Variants in FRMD4A observed in about 807,000 individuals in gnomAD.
The protein encoded by FRMD4A is FERM domain-containing protein 4A.
A neutral mutation model predicts 129.1 loss-of-function variants in FRMD4A; 29 were observed. The observed-to-expected ratio is 0.22, with a 90% CI of 0.17 to 0.31. FRMD4A has a LOEUF of 0.31. Ranked by LOEUF, FRMD4A falls within the 10% of genes least tolerant of loss-of-function variation. The pLI, the probability that FRMD4A is intolerant of heterozygous loss-of-function variation, is 1.00. For synonymous variants in FRMD4A, 634 were observed against 571.6 expected (o/e 1.11, Z -1.56); for missense variants, 1,272 against 1,375.8 (o/e 0.92, Z 1.19).
intron 2 of FRMD4A, among the ~76,000 whole-genome samples, chr10:14,324,652 T>TATTTATTTATTTATTG (rs1843194637): frequency 1.8e-4 from 1 of 5,598 alleles, no homozygotes; most frequent in South Asian, 5.2e-3. Flanking sequence ...ATCTTAATGC[T>TATTTATTTATTTATTG]ATTTATTTAT....
chr10:14,185,501 A>G (rs867056619), intron 2 of FRMD4A, among the ~76,000 whole-genome samples: 2 of 152,164 alleles, frequency 1.3e-5, no homozygotes, highest in African/African-American at 2.4e-5. Context: ...TTCTAACTTC[A>G]AGTATTTTTT....
At chr10:14,178,883 G>A (rs1244241100) in intron 2 of FRMD4A, among the ~76,000 whole-genome samples, 1 of 152,116 alleles carries the variant, frequency 6.6e-6, no homozygotes, top group Non-Finnish European at 1.5e-5. Context: ...TCTGACTTAA[G>A]GAATTTCTAC....
In FRMD4A at chr10:14,024,205, C is replaced by T. The variant is rs149840567; in HGVS notation, c.46-165293G>A. On this transcript the variant is annotated intron_variant, in intron 2 of 24. Transcript: ENST00000357447. ...GAACTTTACGGTTTTCTCCCCTGAC[C>T]GCACATGAGTAAGAATAAATCATGT... Among the ~76,000 whole-genome samples the T allele has an allele frequency of 1.4e-4, 21 of 152,326 alleles. No individual in the cohort carries two copies. In the East Asian group the frequency reaches 3.3e-3, roughly 24 times the overall value.
At chr10:13,750,113 A>AAAGAAAGAAAGAAAGAAAGAAAGAAATG (rs2091531319) in intron 8 of FRMD4A, among the ~76,000 whole-genome samples, 24 of 108,210 alleles carry the variant, frequency 2.2e-4, no homozygotes, top group Admixed American at 1.3e-3. Flanking sequence ...AGAAATGAAG[A>AAAGAAAGAAAGAAAGAAAGAAAGAAATG]AAGAAAGAAA....
At chr10:14,303,629 G>A (rs1333126448) in intron 2 of FRMD4A, among the ~76,000 whole-genome samples, 2 of 152,182 alleles carry the variant, frequency 1.3e-5, no homozygotes, top group African/African-American at 4.8e-5. Context: ...GACTCGGGAA[G>A]CAGGAGACAG....
At chr10:13,998,598 C>T (rs1441543348) in intron 2 of FRMD4A, among the ~76,000 whole-genome samples, 1 of 152,246 alleles carries the variant, frequency 6.6e-6, no homozygotes, top group Admixed American at 6.5e-5. Flanking sequence ...GCTCTTCCTG[C>T]AGTGGTTCCC....
intron 4 of FRMD4A, among the ~76,000 whole-genome samples, chr10:13,809,069 C>T (rs763983154): frequency 1.3e-5 from 2 of 152,238 alleles, no homozygotes; most frequent in African/African-American, 2.4e-5. Flanking sequence ...ACCAGCTTAG[C>T]TGGATGGGGA....
intron 2 of FRMD4A, among the ~76,000 whole-genome samples, chr10:14,131,511 A>G (rs947779094): frequency 6.6e-6 from 1 of 152,056 alleles, no homozygotes; most frequent in Non-Finnish European, 1.5e-5. Flanking sequence ...GGAAAGACAC[A>G]GATTCCAAAC....
intron 2 of FRMD4A, among the ~76,000 whole-genome samples, chr10:14,243,788 A>C (rs962564396): frequency 6.6e-6 from 1 of 151,780 alleles, no homozygotes; most frequent in African/African-American, 2.4e-5. Context: ...GAACACTTAA[A>C]AATGGTTCAA....
intron 2 of FRMD4A, among the ~76,000 whole-genome samples, chr10:14,080,444 C>T (rs1052126703): frequency 1.4e-4 from 21 of 152,112 alleles, no homozygotes; most frequent in African/African-American, 3.9e-4. Context: ...ATGAGAACCC[C>T]CCCAGCACCT....
intron 2 of FRMD4A, among the ~76,000 whole-genome samples, chr10:14,275,064 C>T (rs961414093): frequency 1.3e-5 from 2 of 152,184 alleles, no homozygotes; most frequent in African/African-American, 4.8e-5. Flanking sequence ...CACTTCCTGC[C>T]CTGGTCAATC....
intron 2 of FRMD4A, among the ~76,000 whole-genome samples, chr10:13,958,321 T>A (rs867350035): frequency 1.4e-5 from 2 of 139,942 alleles, no homozygotes; most frequent in Admixed American, 1.5e-4. Flanking sequence ...GTCTCGCTCG[T>A]CGCCCAGGCT....
intron 15 of FRMD4A, among the ~76,000 whole-genome samples, chr10:13,682,469 A>G (rs1167826287): frequency 2.0e-5 from 3 of 150,526 alleles, no homozygotes; most frequent in Non-Finnish European, 1.5e-5. Flanking sequence ...GAATCCTCAC[A>G]GAGACATCAT....
intron 2 of FRMD4A, among the ~76,000 whole-genome samples, chr10:14,154,140 G>T (rs1285757466): frequency 6.6e-6 from 1 of 152,162 alleles, no homozygotes; most frequent in East Asian, 1.9e-4. Context: ...AGGCAGGGAG[G>T]TTCTGTCTTT....
chr10:14,215,789 C>A (rs1843056288), intron 2 of FRMD4A, among the ~76,000 whole-genome samples: 1 of 152,056 alleles, frequency 6.6e-6, no homozygotes, highest in Non-Finnish European at 1.5e-5. Flanking sequence ...CCAAGTTTAA[C>A]CCAAGAACGA....
At chr10:13,997,932 T>C (rs568220972) in intron 2 of FRMD4A, among the ~76,000 whole-genome samples, 4 of 152,336 alleles carry the variant, frequency 2.6e-5, no homozygotes, top group Middle Eastern at 3.4e-3. Flanking sequence ...TTTTGATGCA[T>C]GCAATTTGTG....
Position 14,251,130 on chromosome 10 carries a change from C to A in FRMD4A, c.45+78928G>T, listed in dbSNP as rs148329770. On this transcript the variant is annotated intron_variant, in intron 2 of 24. Transcript: ENST00000357447. ...TGACCCCACCTCTTGGTAGTTACTC[C>A]CAGTTTAACCCCTCTCTTTCAAAGT... Among the ~76,000 whole-genome samples the A allele has an allele frequency of 4.0e-3, 616 of 152,274 alleles. 4 individuals carry two copies. The highest frequency in any genetic ancestry group is 0.014 in the African/African-American group (592 of 41,550).
chr10:14,154,010 C>A (rs11815533), intron 2 of FRMD4A, among the ~76,000 whole-genome samples: 2 of 152,168 alleles, frequency 1.3e-5, no homozygotes, highest in East Asian at 3.9e-4. Flanking sequence ...GCTGTCACCT[C>A]GCCATCCCCT....
At chr10:14,058,962 A>G (rs1016741258) in intron 2 of FRMD4A, among the ~76,000 whole-genome samples, 1 of 152,204 alleles carries the variant, frequency 6.6e-6, no homozygotes, top group African/African-American at 2.4e-5. Context: ...GGTCAAACTA[A>G]AAATGATTTT....
Sources: allele counts gnomAD v4.1 joint callset (sites outside exome capture counted in the v4.1 genomes callset), GRCh38; gene constraint gnomAD v4.1.1; transcripts MANE v1.5; gene names NCBI Gene and HGNC (gene_info 2026-07-23, HGNC 2026-07-21).